Variants in KCNH2 observed in about 807,000 individuals in gnomAD.
KCNH2 encodes potassium voltage-gated channel subfamily H member 2, also known as voltage-gated inwardly rectifying potassium channel KCNH2.
KCNH2 carries 35 observed loss-of-function variants against 95.9 expected under a neutral mutation model. The ratio of observed to expected loss-of-function variants is 0.37; its 90% confidence interval spans 0.28 to 0.48. The LOEUF (loss-of-function observed/expected upper bound fraction) is 0.48. Among genes scored for constraint, KCNH2 ranks in the 20% least tolerant of loss-of-function variants. KCNH2 has a pLI of 0.99. For synonymous variants in KCNH2, 786 were observed against 754.7 expected (o/e 1.04, Z -0.68); for missense variants, 1,274 against 1,702.9 (o/e 0.75, Z 4.43).
rs73167624 is a variant in KCNH2 at position 150,961,707 on chromosome 7, G to A, written c.308-1971C>T. 0.026 allele frequency among the ~76,000 whole-genome samples: 3,896 copies of A among 152,216 alleles called. 77 individuals carry two copies. The highest frequency in any genetic ancestry group is 0.044 in the Non-Finnish European group (2,963 of 67,994). ...GGTGCTGTGAGTCAAGGTAGAAGCC[G>A]GCAACAGACACCGGCAACCTGGAGG... is the stretch of plus-strand genomic sequence containing the variant. On this transcript the variant is annotated intron_variant, in intron 2 of 14. Coordinates refer to ENST00000262186, the MANE Select transcript of KCNH2 (RefSeq NM_000238.4). This position sits in a 1 kb window ranked among gnomAD's most constrained non-coding sequence, Gnocchi z 6.2.
chr7:150,950,875 A>C (rs1584851767), intron 8 of KCNH2, 46 bp downstream of exon 8: 8 of 1,591,440 alleles, frequency 5.0e-6, no homozygotes, highest in Non-Finnish European at 6.9e-6. Flanking sequence ...CTGCCACCCC[A>C]CTCTTCCCAG....
Position 150,947,598 on chromosome 7 carries a change from C to A in KCNH2, c.2965+8G>T, listed in dbSNP as rs749079285. 6.2e-7 allele frequency: 1 copy of A among 1,612,182 alleles called. No homozygotes were observed. On this transcript the variant is annotated splice_region_variant and intron_variant, in intron 12 of 14. Transcript: ENST00000262186. ...GGTCCTCCCTCGCCCGCCCGTCGCC[C>A]GGGATACCTGACAGGGGGTTGCAAG...
At chr7:150,953,424 C>A (rs1455222143) in intron 5 of KCNH2, among the ~76,000 whole-genome samples, 1 of 152,230 alleles carries the variant, frequency 6.6e-6, no homozygotes, top group African/African-American at 2.4e-5. Flanking sequence ...CCCTCAGCCC[C>A]CTCTCCACAC....
chr7:150,950,063 G>A (rs1480499530), intron 9 of KCNH2, 105 bp downstream of exon 9: 9 of 1,611,922 alleles, frequency 5.6e-6, no homozygotes, highest in Non-Finnish European at 7.6e-6. Context: ...TGACCCTGCA[G>A]GCAGTCCCAG....
At position 150,957,459 on chromosome 7, in the gene KCNH2, C is replaced by G. The variant is rs757055211; in HGVS notation, c.960G>C (p.Ser320=). The part of the protein sequence containing the change: ...PLRSGLLNST[S]DSDLVRYRTI... ...TGCGGTAGCGCACGAGGTCGGAGTC[C>G]GAGGTGGAGTTGAGCAAGCCGCTGC... Residue 320 remains serine (S), a synonymous_variant, in exon 5 of 15, where the codon TCG becomes TCC. Transcript: ENST00000262186. 1.9e-6 allele frequency: 3 copies of G among 1,613,948 alleles called. No individual in the cohort carries two copies. The highest frequency in any genetic ancestry group is 8.5e-7 in the Non-Finnish European group (1 of 1,180,034).
intron 2 of KCNH2, among the ~76,000 whole-genome samples, chr7:150,963,343 C>T (rs780879862): frequency 6.6e-5 from 10 of 152,218 alleles, no homozygotes; most frequent in South Asian, 4.2e-4. Flanking sequence ...GGTCACTTAC[C>T]GGCCCAGAGC....
intron 1 of KCNH2, among the ~76,000 whole-genome samples, chr7:150,976,861 C>T (rs756887451): frequency 1.3e-5 from 2 of 151,762 alleles, no homozygotes; most frequent in African/African-American, 2.4e-5. Context: ...CTTGTTCCTC[C>T]GCTTCACACA....
Position 150,958,166 on chromosome 7 carries a change from G to A in KCNH2, c.809C>T (p.Thr270Met), listed in dbSNP as rs1479831528. The part of the protein sequence containing the change: ...ASGSSCSLAR[T>M]RSRESCASVR... ...GCTGGCGCAGCTTTCTCGGGAGCGC[G>A]TCCGGGCCAGGCTGCAGCTGGAGCC... The change falls in exon 4 of 15, where the codon ACG (threonine) becomes ATG (methionine). Residue 270 changes from threonine (T) to methionine (M), a missense_variant. Around this residue, in one of 7 missense-constraint regions of KCNH2, gnomAD observed 392 missense variants for 429.9 expected, o/e 0.91. Transcript: ENST00000262186. 21 of 1,343,762 alleles carry A rather than the reference G, an allele frequency of 1.6e-5. No individual in the cohort carries two copies. Among genetic ancestry groups the A allele is most frequent in the South Asian group, 1.9e-5 (1 of 52,190 alleles). The allele number at this position is 1,343,762 out of a possible 1,614,324, so 83.2% of individuals were successfully genotyped here. A position where few individuals can be genotyped will look rare whatever the true frequency, so the allele number is the denominator to read the frequency against.
At chr7:150,974,184 G>T (rs2117060187) in intron 2 of KCNH2, among the ~76,000 whole-genome samples, 1 of 152,316 alleles carries the variant, frequency 6.6e-6, no homozygotes, top group Non-Finnish European at 1.5e-5. Context: ...TCCCCCAGGT[G>T]CTGCTGAAGC....
At position 150,947,639 on chromosome 7, in the gene KCNH2, C is replaced by T. The variant is rs141117135; in HGVS notation, c.2932G>A (p.Glu978Lys). ...GGGTTGCAAGTGTCGCTGCTCTTCT[C>T]GCAGTCCTCCATCAGGGGCTCCCCA... is the stretch of plus-strand genomic sequence containing the variant. Reference protein sequence around the residue: ...PGGEPLMEDCEKSSDTCNPLS... With the variant: ...PGGEPLMEDCKKSSDTCNPLS... The change falls in exon 12 of 15, where the codon GAG (glutamate) becomes AAG (lysine). Residue 978 changes from glutamate (E) to lysine (K), a missense_variant. Transcript: ENST00000262186. 5.5e-5 allele frequency: 89 copies of T among 1,612,118 alleles called. No homozygotes were observed. In the Admixed American group the frequency reaches 1.2e-3, roughly 22 times the overall value.
Position 150,946,171 on chromosome 7 carries a change from GC to G in KCNH2, c.3331-658del, listed in dbSNP as rs1207135972. On this transcript the variant is annotated intron_variant, in intron 14 of 14. Transcript: ENST00000262186. The surrounding 1 kb of genome is among the most constrained non-coding windows in gnomAD (Gnocchi z 6.5). The stretch of plus-strand genomic sequence containing the variant: ...AGCAGATCCCAGGCCGCCTCTGGCA[GC>G]CAGAGGAGTCCCCACCATGGACGCG... 6.6e-6 allele frequency among the ~76,000 whole-genome samples: 1 copy of G among 152,138 alleles called. No individual in the cohort carries two copies. The highest frequency in any genetic ancestry group is 2.4e-5 in the African/African-American group (1 of 41,418).
rs794728397 is a variant in KCNH2, at chr7:150,947,801, C to T, written c.2770G>A (p.Gly924Arg). The T allele has an allele frequency of 5.9e-6, 9 of 1,530,634 alleles. No homozygotes were observed. The African/African-American group carries it at 1.2e-4, about 21-fold the overall frequency. The allele number at this position is 1,530,634 out of a possible 1,614,324, so 94.8% of individuals were successfully genotyped here. A position where few individuals can be genotyped will look rare whatever the true frequency, so the allele number is the denominator to read the frequency against. Residue 924 changes from glycine (G) to arginine (R), a missense_variant, in exon 12 of 15, where the codon GGG becomes AGG. Transcript: ENST00000262186. ...GAGPSSRGRP[G>R]GPWGESPSSG... ...GACGGGCTCTCCCCCCACGGCCCCC[C>T]CGGCCGGCCCCGGCTACTCGGCCCT...
chr7:150,948,694 G>C (rs1801018307), intron 10 of KCNH2, 151 bp from the exon 11 acceptor site: 1 of 1,101,290 alleles, frequency 9.1e-7, no homozygotes, highest in Non-Finnish European at 1.4e-6. Context: ...TTTTGCCCCA[G>C]GCAAAGACTG....
intron 13 of KCNH2, 136 bp downstream of exon 13, chr7:150,947,192 C>T: frequency 9.0e-7 from 1 of 1,115,270 alleles, no homozygotes. Flanking sequence ...TGGCAGCCCC[C>T]AGCTGGGCTA....
At position 150,951,052 on chromosome 7, in the gene KCNH2, G is replaced by A. The variant is rs769197005; in HGVS notation, c.2014C>T (p.Arg672Cys). 8 of 1,614,012 alleles carry A rather than the reference G, an allele frequency of 5.0e-6. No homozygotes were observed. Among genetic ancestry groups the A allele is most frequent in the Middle Eastern group, 1.6e-4 (1 of 6,084 alleles). Residue 672 changes from arginine to cysteine, a missense_variant, in exon 8 of 15, where the codon CGC (arginine) becomes TGC (cysteine). Physicochemically the swap from Arg to Cys is radical, Grantham distance 180. Transcript: ENST00000262186. ...IIQRLYSGTARYHTQMLRVRE... is the reference protein window; with the variant it reads ...IIQRLYSGTACYHTQMLRVRE... Reference sequence around the variant, plus strand: ...ACCCGCAGCATCTGTGTGTGGTAGCGGGCTGTGCCCGAGTACAGCCGCTGG... The same window carrying A: ...ACCCGCAGCATCTGTGTGTGGTAGCAGGCTGTGCCCGAGTACAGCCGCTGG...
chr7:150,953,458 T>C (rs1053138299), intron 5 of KCNH2, among the ~76,000 whole-genome samples: 1 of 152,100 alleles, frequency 6.6e-6, no homozygotes, highest in African/African-American at 2.4e-5. Flanking sequence ...CCCACAGTCC[T>C]CATCCTCCCA....
chr7:150,948,483 G>T lies in KCNH2; in HGVS notation c.2653C>A (p.Arg885Ser), dbSNP rs143512106. 4.3e-6 allele frequency: 7 copies of T among 1,612,164 alleles called. No individual in the cohort carries two copies. Among genetic ancestry groups the T allele is most frequent in the Admixed American group, 3.3e-5 (2 of 59,958 alleles). The change falls in exon 11 of 15, where the codon CGC becomes AGC. Residue 885 changes from arginine to serine, a missense_variant. Arg to Ser is a moderately radical substitution (Grantham distance 110). Coordinates refer to ENST00000262186, the MANE Select transcript of KCNH2 (RefSeq NM_000238.4). ...TELEGGFSRQ[R>S]KRKLSFRRRT... is the part of the protein sequence containing the mutation. Reference sequence around the variant, plus strand: ...CTGCGGAAGGACAACTTGCGCTTGCGTTGCCGACTGAAGCCACCCTCTAAC... The same window carrying T: ...CTGCGGAAGGACAACTTGCGCTTGCTTTGCCGACTGAAGCCACCCTCTAAC...
chr7:150,967,038 G>C (rs1481649272), intron 2 of KCNH2, among the ~76,000 whole-genome samples: 1 of 152,172 alleles, frequency 6.6e-6, no homozygotes, highest in Middle Eastern at 3.2e-3. Context: ...CAGCACTTTG[G>C]GAGGCCAAGG....
At chr7:150,948,758 T>C (rs1801020589) in intron 10 of KCNH2, 98 bp downstream of exon 10, 3 of 1,229,962 alleles carry the variant, frequency 2.4e-6, no homozygotes, top group African/African-American at 3.0e-5. Flanking sequence ...ACAGGGAAAC[T>C]GAGACAGAGA....
Sources: allele counts gnomAD v4.1 joint callset (sites outside exome capture counted in the v4.1 genomes callset), GRCh38; gene constraint gnomAD v4.1.1; regional missense constraint gnomAD v4.1.1; non-coding constraint Gnocchi (gnomAD v3.1); transcripts MANE v1.5; gene names NCBI Gene and HGNC (gene_info 2026-07-23, HGNC 2026-07-21).